Variants in DGLUCY observed in about 807,000 individuals in gnomAD.
The protein encoded by DGLUCY is D-glutamate cyclase, mitochondrial.
DGLUCY carries 58 observed loss-of-function variants against 58.5 expected under a neutral mutation model. That is an observed-to-expected ratio of 0.99 (90% confidence interval 0.80 to 1.23). The LOEUF is 1.23. Ranked by LOEUF, DGLUCY falls within the 50% of genes most tolerant of loss-of-function variation. The pLI, the probability that DGLUCY is intolerant of heterozygous loss-of-function variation, is 0.00. For synonymous variants in DGLUCY, 325 were observed against 314.1 expected, an observed-to-expected ratio of 1.03 and a Z score of -0.37; for missense variants, 779 against 784.7, an observed-to-expected ratio of 0.99 and a Z score of 0.09.
chr14:91,094,915 A>C (rs977211221), intron 1 of DGLUCY, among the ~76,000 whole-genome samples: 39 of 152,074 alleles, frequency 2.6e-4, no homozygotes, highest in African/African-American at 9.2e-4. Context: ...CATCTATATT[A>C]AGGATATACC....
intron 1 of DGLUCY, among the ~76,000 whole-genome samples, chr14:91,099,962 G>A (rs1032715266): frequency 6.6e-6 from 1 of 150,950 alleles, no homozygotes; most frequent in South Asian, 2.1e-4. Context: ...GCTGAGGCGG[G>A]AGAATTGCTT....
At chr14:91,167,950 C>T (rs954856502) in intron 4 of DGLUCY, among the ~76,000 whole-genome samples, 6 of 152,088 alleles carry the variant, frequency 3.9e-5, no homozygotes, top group African/African-American at 7.2e-5. Flanking sequence ...ATGCTAAACC[C>T]GATCATGTGG....
intron 1 of DGLUCY, among the ~76,000 whole-genome samples, chr14:91,127,053 CTTTTTTTT>C (rs11407228): frequency 1.0e-5 from 1 of 98,372 alleles, no homozygotes; most frequent in African/African-American, 4.0e-5. Flanking sequence ...TGATGATACT[CTTTTTTTT>C]TTTTTTTTTT....
chr14:91,181,380 A>G lies in DGLUCY; in HGVS notation c.925A>G (p.Ile309Val). The change falls in exon 8 of 14, where the codon ATA becomes GTA. Residue 309 changes from isoleucine (I) to valine (V), a missense_variant. Physicochemically the swap from Ile to Val is conservative, Grantham distance 29 (BLOSUM62 3). Coordinates refer to ENST00000256324, the MANE Select transcript of DGLUCY (RefSeq NM_001102368.3). ...CAGAGAACTAGAGTCTATGATCGGC[A>G]TAGACCCAGGTAAGAAACAACACAT... ...KIRELESMIG[I>V]DPGNRGIGHL... The G allele has an allele frequency of 6.2e-7, 1 of 1,613,198 alleles. No individual in the cohort carries two copies. The highest frequency in any genetic ancestry group is 8.5e-7 in the Non-Finnish European group (1 of 1,179,818).
At position 91,183,131 on chromosome 14, in the gene DGLUCY, A is replaced by G. The variant is rs572879678; in HGVS notation, c.934+1742A>G. The stretch of plus-strand genomic sequence containing the variant: ...CTCAGCCTCCTGAGTAGCTGAGACT[A>G]CAGGCCGGCACCACCATACCTGGCT... On this transcript the variant is annotated intron_variant, in intron 8 of 13. Transcript: ENST00000256324. Among the ~76,000 whole-genome samples, 38 of 152,094 alleles carry G rather than the reference A, an allele frequency of 2.5e-4. No individual in the cohort carries two copies. The South Asian group carries it at 7.7e-3, about 31-fold the overall frequency.
chr14:91,190,281 C>G (rs1316045216), intron 9 of DGLUCY, among the ~76,000 whole-genome samples: 1 of 152,156 alleles, frequency 6.6e-6, no homozygotes, highest in African/African-American at 2.4e-5. Context: ...GCCACCGCGC[C>G]CGGCCTCTGT....
At chr14:91,093,617 C>A (rs2044347796) in intron 1 of DGLUCY, among the ~76,000 whole-genome samples, 1 of 151,878 alleles carries the variant, frequency 6.6e-6, no homozygotes, top group Non-Finnish European at 1.5e-5. Flanking sequence ...ACCAGCTGGC[C>A]AACATGGCAA....
Position 91,224,881 on chromosome 14 carries a change from CA to C in DGLUCY, c.*49del, listed in dbSNP as rs553607620. 2.4e-4 allele frequency: 371 copies of C among 1,528,462 alleles called. No homozygotes were observed. Among genetic ancestry groups the C allele is most frequent in the South Asian group, 2.2e-3 (178 of 82,074 alleles). The allele number at this position is 1,528,462 out of a possible 1,614,324, so 94.7% of individuals were successfully genotyped here. A position where few individuals can be genotyped will look rare whatever the true frequency, so the allele number is the denominator to read the frequency against. On this transcript the variant is annotated 3_prime_UTR_variant, in exon 14 of 14. Coordinates refer to ENST00000256324, the MANE Select transcript of DGLUCY (RefSeq NM_001102368.3). The stretch of plus-strand genomic sequence containing the variant: ...GAGTCCCTACCAACGGGCAGGTCTG[CA>C]TCCGGGGAGAATGCAGCTGCTTCTG...
At chr14:91,141,490 A>AT in intron 1 of DGLUCY, among the ~76,000 whole-genome samples, 1 of 151,716 alleles carries the variant, frequency 6.6e-6, no homozygotes, top group East Asian at 1.9e-4. Flanking sequence ...CATGAGATCC[A>AT]TATCCCTTGA....
At chr14:91,214,414 A>G (rs1334047652) in intron 12 of DGLUCY, among the ~76,000 whole-genome samples, 1 of 152,218 alleles carries the variant, frequency 6.6e-6, no homozygotes, top group Non-Finnish European at 1.5e-5. Context: ...CATGTGATGG[A>G]AAAGGAAGGG....
intron 2 of DGLUCY, among the ~76,000 whole-genome samples, chr14:91,159,763 T>A (rs2047873770): frequency 6.6e-6 from 1 of 152,200 alleles, no homozygotes; most frequent in South Asian, 2.1e-4. Flanking sequence ...TTATTTCACT[T>A]GCGATTGCGG....
At chr14:91,075,708 T>A (rs983976426) in intron 1 of DGLUCY, among the ~76,000 whole-genome samples, 1 of 152,140 alleles carries the variant, frequency 6.6e-6, no homozygotes, top group Non-Finnish European at 1.5e-5. Context: ...CTGAAGTCAA[T>A]GTTTGCTACC....
chr14:91,164,957 C>T (rs2048196199), intron 3 of DGLUCY, among the ~76,000 whole-genome samples: 1 of 152,184 alleles, frequency 6.6e-6, no homozygotes, highest in South Asian at 2.1e-4. Flanking sequence ...CTGGGTGAGT[C>T]CAGAAGAGCC....
At chr14:91,164,439 G>A (rs1432520150) in intron 3 of DGLUCY, among the ~76,000 whole-genome samples, 1 of 152,164 alleles carries the variant, frequency 6.6e-6, no homozygotes, top group Non-Finnish European at 1.5e-5. Flanking sequence ...GATATTTATT[G>A]TAGTCTTTGC....
chr14:91,095,527 A>G (rs2044380227), intron 1 of DGLUCY, among the ~76,000 whole-genome samples: 1 of 152,228 alleles, frequency 6.6e-6, no homozygotes, highest in Non-Finnish European at 1.5e-5. Context: ...GGTAGAGTCA[A>G]GCCTCTTAAA....
At chr14:91,201,546 C>G (rs759718013) in intron 11 of DGLUCY, among the ~76,000 whole-genome samples, 23 of 152,084 alleles carry the variant, frequency 1.5e-4, no homozygotes, top group Non-Finnish European at 2.6e-4. Flanking sequence ...ATCCGCCTGC[C>G]TCTGCCTTCC....
intron 12 of DGLUCY, 22 bp from the exon 13 acceptor site, chr14:91,215,383 G>C (rs199952434): frequency 3.2e-6 from 5 of 1,584,252 alleles, no homozygotes; most frequent in Non-Finnish European, 3.4e-6. Flanking sequence ...CTCCATGATG[G>C]AATCTTGTTT....
At chr14:91,169,357 C>T (rs989056812) in intron 4 of DGLUCY, among the ~76,000 whole-genome samples, 3 of 151,984 alleles carry the variant, frequency 2.0e-5, no homozygotes, top group African/African-American at 7.2e-5. Context: ...CTTTGGGCTA[C>T]TGGTCCTACC....
intron 1 of DGLUCY, among the ~76,000 whole-genome samples, chr14:91,082,114 TG>T (rs2044137656): frequency 1.3e-5 from 2 of 152,138 alleles, no homozygotes; most frequent in African/African-American, 4.8e-5. Context: ...AGTTGGAGAT[TG>T]GGGGCATATT....
Sources: allele counts gnomAD v4.1 joint callset (sites outside exome capture counted in the v4.1 genomes callset), GRCh38; gene constraint gnomAD v4.1.1; transcripts MANE v1.5; gene names NCBI Gene and HGNC (gene_info 2026-07-23, HGNC 2026-07-21).